Variants in PRKCA observed in about 807,000 individuals in gnomAD.
PRKCA encodes protein kinase C alpha, also known as protein kinase C alpha type.
A neutral mutation model predicts 87.0 loss-of-function variants in PRKCA; 27 were observed. The observed-to-expected ratio is 0.31, with a 90% confidence interval of 0.23 to 0.43. The LOEUF is 0.43. PRKCA is among the 20% of genes least tolerant of loss of function. PRKCA has a pLI of 1.00. For synonymous variants in PRKCA, 329 were observed against 311.1 expected (o/e 1.06, Z -0.61); for missense variants, 518 against 852.3 (o/e 0.61, Z 4.88).
At chr17:66,446,875 A>AG (rs2143902254) in intron 2 of PRKCA, among the ~76,000 whole-genome samples, 1 of 152,224 alleles carries the variant, frequency 6.6e-6, no homozygotes, top group South Asian at 2.1e-4. Context: ...TGTGTGTTGG[A>AG]GGGGTCAGGG....
chr17:66,434,072 C>T (rs1176509962), intron 2 of PRKCA, among the ~76,000 whole-genome samples: 2 of 152,042 alleles, frequency 1.3e-5, no homozygotes. Flanking sequence ...CTTCCCTCAG[C>T]CTGAGCTCTT....
chr17:66,459,296 A>C (rs1427499660), intron 2 of PRKCA, among the ~76,000 whole-genome samples: 1 of 152,098 alleles, frequency 6.6e-6, no homozygotes, highest in African/African-American at 2.4e-5. Context: ...CAGGAGGATC[A>C]ATTGAGCCTG....
intron 3 of PRKCA, among the ~76,000 whole-genome samples, chr17:66,553,674 G>A (rs769718511): frequency 1.3e-5 from 2 of 152,220 alleles, no homozygotes; most frequent in Non-Finnish European, 2.9e-5. Flanking sequence ...GGACACTCAA[G>A]CAGCCTTTGA....
At chr17:66,584,885 G>A (rs28869578) in intron 3 of PRKCA, among the ~76,000 whole-genome samples, 51,866 of 151,924 alleles carry the variant, frequency 0.34, 9,255 homozygotes, top group African/African-American at 0.4. Flanking sequence ...GGCATTGTTC[G>A]TCTGGGTTAA....
intron 13 of PRKCA, among the ~76,000 whole-genome samples, chr17:66,747,382 C>A (rs1052145806): frequency 1.3e-5 from 2 of 152,330 alleles, no homozygotes; most frequent in East Asian, 1.9e-4. Flanking sequence ...TGAAGTGAAG[C>A]TTTTTCAAGT....
intron 3 of PRKCA, among the ~76,000 whole-genome samples, chr17:66,636,551 G>C (rs978300958): frequency 1.3e-5 from 2 of 152,166 alleles, no homozygotes; most frequent in African/African-American, 4.8e-5. Flanking sequence ...GAAGCCTGAG[G>C]GTGATTAGCC....
chr17:66,313,593 G>C (rs1905175004), intron 2 of PRKCA, among the ~76,000 whole-genome samples: 2 of 152,094 alleles, frequency 1.3e-5, no homozygotes, highest in Non-Finnish European at 2.9e-5. Context: ...TTGGGTATAG[G>C]GTGAGAAAGT....
chr17:66,548,117 C>A (rs912071877), intron 3 of PRKCA, among the ~76,000 whole-genome samples: 3 of 152,192 alleles, frequency 2.0e-5, no homozygotes, highest in South Asian at 2.1e-4. Flanking sequence ...CCTGAGGGAG[C>A]TTTTCGCTGA....
chr17:66,618,273 T>G (rs929621255), intron 3 of PRKCA, among the ~76,000 whole-genome samples: 7 of 151,494 alleles, frequency 4.6e-5, no homozygotes. Flanking sequence ...GAGAATTGCT[T>G]GAACCCAGGA....
intron 8 of PRKCA, among the ~76,000 whole-genome samples, chr17:66,704,912 G>C (rs554485335): frequency 6.6e-6 from 1 of 152,274 alleles, no homozygotes; most frequent in South Asian, 2.1e-4. Flanking sequence ...TGTCTTTGAA[G>C]ACTTTATCTA....
At chr17:66,652,040 C>T (rs1055119355) in intron 5 of PRKCA, among the ~76,000 whole-genome samples, 1 of 152,152 alleles carries the variant, frequency 6.6e-6, no homozygotes, top group Non-Finnish European at 1.5e-5. Flanking sequence ...CTCATTGCAA[C>T]CTCCGCCTCC....
At chr17:66,504,313 TAGCAGTGGCCCACGCCTGTAATCCC>T (rs1916874119) in intron 3 of PRKCA, among the ~76,000 whole-genome samples, 1 of 147,440 alleles carries the variant, frequency 6.8e-6, no homozygotes, top group Non-Finnish European at 1.5e-5. Context: ...GGTGGGCCAC[TAGCAGTGGCCCACGCCTGTAATCCC>T]AGCACTTTGG....
intron 2 of PRKCA, among the ~76,000 whole-genome samples, chr17:66,448,860 A>G (rs1374702477): frequency 5.1e-5 from 2 of 39,090 alleles, no homozygotes; most frequent in Non-Finnish European, 1.2e-4. Flanking sequence ...GATTCTGGCA[A>G]AAAAAAAAAA....
intron 5 of PRKCA, among the ~76,000 whole-genome samples, chr17:66,648,097 T>C (rs929295680): frequency 6.6e-6 from 1 of 152,208 alleles, no homozygotes; most frequent in Non-Finnish European, 1.5e-5. Flanking sequence ...CTCTGCTTCA[T>C]AGATGGCACT....
chr17:66,580,259 C>T (rs1969377327), intron 3 of PRKCA, among the ~76,000 whole-genome samples: 1 of 152,128 alleles, frequency 6.6e-6, no homozygotes, highest in Admixed American at 6.5e-5. Context: ...GCCTGAGTGA[C>T]CAGCATTACT....
intron 2 of PRKCA, among the ~76,000 whole-genome samples, chr17:66,372,073 T>A (rs1243921825): frequency 1.3e-5 from 2 of 152,260 alleles, no homozygotes; most frequent in East Asian, 3.9e-4. Flanking sequence ...ATGGATGATA[T>A]GAAGATAGTA....
At chr17:66,735,920 C>CTTTTT (rs5821508) in intron 10 of PRKCA, among the ~76,000 whole-genome samples, 9 of 122,112 alleles carry the variant, frequency 7.4e-5, no homozygotes, top group Non-Finnish European at 9.8e-5. Context: ...TTCTTTCTTT[C>CTTTTT]TTTTTTTTTT....
chr17:66,626,424 C>T (rs1970858053), intron 3 of PRKCA, among the ~76,000 whole-genome samples: 1 of 150,258 alleles, frequency 6.7e-6, no homozygotes, highest in Non-Finnish European at 1.5e-5. Context: ...TGTAGTGGCG[C>T]AGTCTTGACT....
intron 2 of PRKCA, among the ~76,000 whole-genome samples, chr17:66,402,414 AT>A (rs368233389): frequency 0.03 from 3,962 of 133,652 alleles, 136 homozygotes; most frequent in African/African-American, 0.093. Flanking sequence ...AGGCCAAGAA[AT>A]TTTTTTTTTT....
Sources: gnomAD v4.1 joint callset for allele counts (sites outside exome capture counted in the v4.1 genomes callset) on GRCh38, gnomAD v4.1.1 for gene constraint, MANE v1.5 for transcripts, NCBI Gene and HGNC (gene_info 2026-07-23, HGNC 2026-07-21) for gene names.